PIGU: variants seen among roughly 807,000 people sequenced by gnomAD.
PIGU encodes phosphatidylinositol glycan anchor biosynthesis class U.
Under a neutral mutation model 49.9 loss-of-function variants are expected in PIGU, and 24 were observed. The ratio of observed to expected loss-of-function variants is 0.48; its 90% confidence interval spans 0.35 to 0.68. The LOEUF (loss-of-function observed/expected upper bound fraction) is 0.68, where lower values mean the gene tolerates loss of function less well. Ranked by LOEUF, PIGU falls within the 30% of genes least tolerant of loss-of-function variation. The pLI is 0.01. For synonymous variants in PIGU, 220 were observed against 205.7 expected (o/e 1.07, Z -0.59); for missense variants, 490 against 532.6 (o/e 0.92, Z 0.79).
chr20:34,563,631 G>A (rs913464963), intron 11 of PIGU, among the ~76,000 whole-genome samples: 1 of 150,838 alleles, frequency 6.6e-6, no homozygotes, highest in Non-Finnish European at 1.5e-5. Flanking sequence ...CAATGGGGGG[G>A]GGGAGATAAA....
rs774483569 is a variant in PIGU at position 34,644,250 on chromosome 20, A to T, written c.256-24T>A. The T allele has an allele frequency of 2.4e-5, 37 of 1,569,458 alleles. No homozygotes were observed. In the Admixed American group the frequency reaches 4.3e-4, roughly 18 times the overall value. On this transcript the variant is annotated intron_variant, in intron 3 of 11. Transcript: ENST00000217446. Reference sequence around the variant, plus strand: ...ATCTGTCAAAAGAAAGAGAAATAATAGGAAATGGAACACAGTAAGTGTAAG... The same window carrying T: ...ATCTGTCAAAAGAAAGAGAAATAATTGGAAATGGAACACAGTAAGTGTAAG...
Position 34,616,042 on chromosome 20 carries a change from C to T in PIGU, c.627G>A (p.Gln209=). Residue 209 remains glutamine, a splice_region_variant and synonymous_variant, in exon 7 of 12, where the codon CAG becomes CAA. Transcript: ENST00000217446. ...LFVPGLLYLL[Q]RQYIPVKMKS... is the part of the protein sequence containing the mutation. ...TGGCTTCTGACCAGCAAGTGCTTAC[C>T]TGGAGGAGATAGAGGAGTCCTGGGA... The T allele has an allele frequency of 6.2e-7, 1 of 1,606,146 alleles. No individual in the cohort carries two copies. Among genetic ancestry groups the T allele is most frequent in the Non-Finnish European group, 8.5e-7 (1 of 1,176,950 alleles).
chr20:34,598,841 C>T (rs1007675707), intron 7 of PIGU, among the ~76,000 whole-genome samples: 4 of 152,194 alleles, frequency 2.6e-5, no homozygotes, highest in Non-Finnish European at 5.9e-5. Context: ...ATTCCTTCTT[C>T]ATGCAAGCAT....
In PIGU at chr20:34,562,487, T is replaced by C. The variant is rs919802581; in HGVS notation, c.1195-1508A>G. On this transcript the variant is annotated intron_variant, in intron 11 of 11. Coordinates refer to ENST00000217446, the MANE Select transcript of PIGU (RefSeq NM_080476.5). ...GAGAGATCAGAGGCGCCTGGAGGAG[T>C]TCAGGAAGGTGTCCTGTCACCAGCA... 8.5e-6 allele frequency: 11 copies of C among 1,288,836 alleles called. No individual in the cohort carries two copies. The Admixed American group carries it at 2.1e-4, about 24-fold the overall frequency. The allele number at this position is 1,288,836 out of a possible 1,614,324, so 79.8% of individuals were successfully genotyped here.
chr20:34,631,821 G>T (rs1366899061), intron 6 of PIGU, among the ~76,000 whole-genome samples: 1 of 74,182 alleles, frequency 1.3e-5, no homozygotes, highest in South Asian at 5.5e-4. Context: ...TTTTTTAGTA[G>T]AGACGGGGTT....
intron 7 of PIGU, 115 bp downstream of exon 7, chr20:34,615,927 T>C: frequency 7.0e-7 from 1 of 1,420,922 alleles, no homozygotes; most frequent in Non-Finnish European, 9.2e-7. Context: ...TATTTTCAAC[T>C]GGGAGCAAGC....
At chr20:34,641,259 T>C (rs7269596) in intron 4 of PIGU, among the ~76,000 whole-genome samples, 59,357 of 151,940 alleles carry the variant, frequency 0.39, 11,965 homozygotes, top group Admixed American at 0.56. Context: ...TCTACGTTCA[T>C]TTGCATCCCC....
At chr20:34,596,808 A>C (rs1984218111) in intron 7 of PIGU, among the ~76,000 whole-genome samples, 1 of 152,204 alleles carries the variant, frequency 6.6e-6, no homozygotes, top group Non-Finnish European at 1.5e-5. Flanking sequence ...GTTAAAACTA[A>C]TTACGATGGC....
Position 34,676,967 on chromosome 20 carries a change from G to A in PIGU, c.119C>T (p.Ser40Phe). The change falls in exon 1 of 12, where the codon TCT (serine) becomes TTT (phenylalanine). Residue 40 changes from serine (S) to phenylalanine (F), a missense_variant. By Grantham distance (155) the Ser-to-Phe change is radical (BLOSUM62 -2). Coordinates refer to ENST00000217446, the MANE Select transcript of PIGU (RefSeq NM_080476.5). ...GCCAGTGGCCTCACCTCTCTTCCAA[G>A]AGCTCAGTGGGGACACCACCTCCAC... ...ERVEVVSPLSSWKRVVEGLSL... is the reference protein window; with the variant it reads ...ERVEVVSPLSFWKRVVEGLSL... 6.3e-7 allele frequency: 1 copy of A among 1,575,026 alleles called. No homozygotes were observed. The highest frequency in any genetic ancestry group is 8.6e-7 in the Non-Finnish European group (1 of 1,161,334).
chr20:34,585,696 C>A (rs1050379622), intron 8 of PIGU, 116 bp from the exon 9 acceptor site: 11 of 1,182,760 alleles, frequency 9.3e-6, no homozygotes, highest in African/African-American at 1.5e-5. Flanking sequence ...ACGACTTTCT[C>A]CCTAGAGAGA....
At chr20:34,658,137 C>G (rs1040990164) in intron 1 of PIGU, among the ~76,000 whole-genome samples, 1 of 152,176 alleles carries the variant, frequency 6.6e-6, no homozygotes, top group Non-Finnish European at 1.5e-5. Context: ...CGATTGCAGG[C>G]GCGCGCCGCC....
At chr20:34,568,230 A>T (rs1982859197) in intron 11 of PIGU, among the ~76,000 whole-genome samples, 1 of 152,136 alleles carries the variant, frequency 6.6e-6, no homozygotes, top group African/African-American at 2.4e-5. Flanking sequence ...GTCCTGCTGT[A>T]TGTAGCCTGG....
At chr20:34,663,433 T>C (rs1986989030) in intron 1 of PIGU, among the ~76,000 whole-genome samples, 1 of 151,978 alleles carries the variant, frequency 6.6e-6, no homozygotes, top group South Asian at 2.1e-4. Context: ...GTCATGATCA[T>C]GCTACTGCAC....
intron 4 of PIGU, chr20:34,643,678 A>G (rs1986238428): frequency 6.5e-6 from 1 of 152,992 alleles, no homozygotes; most frequent in African/African-American, 2.4e-5. Flanking sequence ...TCAGGCATTT[A>G]ATACATGTCA....
At chr20:34,590,124 G>T (rs1983895112) in intron 7 of PIGU, among the ~76,000 whole-genome samples, 1 of 149,092 alleles carries the variant, frequency 6.7e-6, no homozygotes, top group African/African-American at 2.5e-5. Context: ...TGGGGGAAGA[G>T]AAATAATTTA....
At chr20:34,565,461 C>T (rs1982708211) in intron 11 of PIGU, among the ~76,000 whole-genome samples, 1 of 151,946 alleles carries the variant, frequency 6.6e-6, no homozygotes, top group Admixed American at 6.6e-5. Context: ...GGGGTTTCAC[C>T]ATGATAGCCA....
intron 2 of PIGU, among the ~76,000 whole-genome samples, chr20:34,650,880 A>C (rs979998651): frequency 4.7e-5 from 7 of 150,118 alleles, no homozygotes; most frequent in African/African-American, 1.7e-4. Context: ...TGCCTGGCTA[A>C]TTTTTGTATT....
chr20:34,600,216 A>G (rs1283762627), intron 7 of PIGU, among the ~76,000 whole-genome samples: 3 of 151,942 alleles, frequency 2.0e-5, no homozygotes, highest in Non-Finnish European at 4.4e-5. Flanking sequence ...AGACCAACCT[A>G]GCCAACATGG....
intron 5 of PIGU, 72 bp downstream of exon 5, chr20:34,637,804 A>C: frequency 6.3e-7 from 1 of 1,587,050 alleles, no homozygotes; most frequent in Non-Finnish European, 8.5e-7. Flanking sequence ...TACAACAAAC[A>C]ACATGGGAAA....
Sources: allele counts gnomAD v4.1 joint callset (sites outside exome capture counted in the v4.1 genomes callset), GRCh38; gene constraint gnomAD v4.1.1; transcripts MANE v1.5; gene names NCBI Gene and HGNC (gene_info 2026-07-23, HGNC 2026-07-21).